SYNPR: variants seen among roughly 807,000 people sequenced by gnomAD.
SYNPR encodes the protein synaptoporin.
Under a neutral mutation model 32.9 loss-of-function variants are expected in SYNPR, and 23 were observed. The ratio of observed to expected loss-of-function variants is 0.70; its 90% CI spans 0.50 to 0.99. The LOEUF (loss-of-function observed/expected upper bound fraction) is 0.99. Among genes scored for constraint, SYNPR ranks in the 50% least tolerant of loss-of-function variants. The pLI, the probability that SYNPR is intolerant of heterozygous loss-of-function variation, is 0.00. For missense variants in SYNPR, 318 were observed against 349.3 expected (o/e 0.91, Z 0.71); for synonymous variants, 146 against 135.9 (o/e 1.07, Z -0.52).
intron 4 of SYNPR, among the ~76,000 whole-genome samples, chr3:63,587,180 T>C (rs979310489): frequency 3.3e-5 from 5 of 152,140 alleles, no homozygotes; most frequent in African/African-American, 1.2e-4. Context: ...TCATTGGCCG[T>C]GACTAAATAA....
intron 2 of SYNPR, among the ~76,000 whole-genome samples, chr3:63,408,263 A>C (rs1043537308): frequency 1.6e-5 from 2 of 123,100 alleles, no homozygotes; most frequent in Admixed American, 8.3e-5. Flanking sequence ...GAAAGAAAGA[A>C]AGAAAGAAAG....
In SYNPR at chr3:63,391,274, T is replaced by C. The variant is rs116840285; in HGVS notation, c.85-89558T>C. On this transcript the variant is annotated intron_variant, in intron 2 of 5. Coordinates refer to ENST00000478300, the MANE Select transcript of SYNPR (RefSeq NM_001130003.2). ...GCCTCACTGTGACATAGGAAGTCCA[T>C]AAAATTTGCACCAATGTGTCTCTGT... Among the ~76,000 whole-genome samples the C allele has an allele frequency of 2.0e-3, 307 of 152,304 alleles. 1 individual carries two copies. The highest frequency in any genetic ancestry group is 7.1e-3 in the African/African-American group (296 of 41,560).
At chr3:63,350,639 G>A (rs960926929) in intron 2 of SYNPR, among the ~76,000 whole-genome samples, 1 of 152,196 alleles carries the variant, frequency 6.6e-6, no homozygotes, top group African/African-American at 2.4e-5. Context: ...ATGCCTGCAG[G>A]GAACAGGCAA....
intron 3 of SYNPR, among the ~76,000 whole-genome samples, chr3:63,530,201 A>G (rs1702085874): frequency 6.6e-6 from 1 of 152,212 alleles, no homozygotes; most frequent in Non-Finnish European, 1.5e-5. Context: ...TTTTGAACAA[A>G]GAACTCCCAT....
At chr3:63,614,798 A>C (rs1700253471) in intron 5 of SYNPR, among the ~76,000 whole-genome samples, 2 of 152,214 alleles carry the variant, frequency 1.3e-5, no homozygotes, top group Non-Finnish European at 2.9e-5. Context: ...TGCCATCTGG[A>C]AATAATCTTA....
At chr3:63,375,625 C>T (rs1178039213) in intron 2 of SYNPR, among the ~76,000 whole-genome samples, 2 of 152,022 alleles carry the variant, frequency 1.3e-5, no homozygotes, top group Non-Finnish European at 2.9e-5. Flanking sequence ...ATATAAATGA[C>T]GAGTTGATGT....
At chr3:63,279,875 AC>A (rs1469992511) in intron 2 of SYNPR, among the ~76,000 whole-genome samples, 1 of 152,252 alleles carries the variant, frequency 6.6e-6, no homozygotes, top group African/African-American at 2.4e-5. Flanking sequence ...TATTGCATAC[AC>A]CAGGACAGCT....
intron 2 of SYNPR, among the ~76,000 whole-genome samples, chr3:63,334,896 AC>A (rs2087269350): frequency 6.6e-6 from 1 of 152,100 alleles, no homozygotes; most frequent in African/African-American, 2.4e-5. Flanking sequence ...TACTTTTAAA[AC>A]CTGATACTGG....
intron 3 of SYNPR, among the ~76,000 whole-genome samples, chr3:63,504,896 C>T (rs1419082598): frequency 6.6e-6 from 1 of 151,478 alleles, no homozygotes; most frequent in Non-Finnish European, 1.5e-5. Flanking sequence ...CTCACGTGGA[C>T]AGAGGGATGT....
intron 3 of SYNPR, among the ~76,000 whole-genome samples, chr3:63,512,972 G>A (rs1203724354): frequency 6.6e-6 from 1 of 151,992 alleles, no homozygotes; most frequent in Non-Finnish European, 1.5e-5. Flanking sequence ...TTAGTCCTAT[G>A]GTTAGCACAA....
intron 2 of SYNPR, among the ~76,000 whole-genome samples, chr3:63,443,786 C>T: frequency 6.6e-6 from 1 of 152,206 alleles, no homozygotes. Flanking sequence ...CCTACCCCTC[C>T]TTCCTTGGAG....
At chr3:63,252,629 G>A (rs532177317) in intron 2 of SYNPR, 1 of 152,218 alleles carries the variant, frequency 6.6e-6, no homozygotes, top group South Asian at 2.1e-4. Flanking sequence ...ACAGAACAAG[G>A]AGGCATGATT....
At chr3:63,582,536 T>C (rs939045333) in intron 4 of SYNPR, among the ~76,000 whole-genome samples, 1 of 152,098 alleles carries the variant, frequency 6.6e-6, no homozygotes, top group Non-Finnish European at 1.5e-5. Context: ...GATATTCAGC[T>C]CCATGGTTTC....
At chr3:63,386,856 G>A (rs1003847546) in intron 2 of SYNPR, among the ~76,000 whole-genome samples, 9 of 152,186 alleles carry the variant, frequency 5.9e-5, no homozygotes, top group Non-Finnish European at 7.3e-5. Context: ...CTCCCTCAGC[G>A]GCTAATGGTG....
chr3:63,247,651 A>G (rs1312060835), intron 1 of SYNPR, among the ~76,000 whole-genome samples: 1 of 152,076 alleles, frequency 6.6e-6, no homozygotes, highest in East Asian at 1.9e-4. Flanking sequence ...TCCAGCTCTA[A>G]CACTTGGATG....
chr3:63,374,668 A>C (rs2087863345), intron 2 of SYNPR, among the ~76,000 whole-genome samples: 1 of 152,216 alleles, frequency 6.6e-6, no homozygotes, highest in African/African-American at 2.4e-5. Flanking sequence ...CAAATCTTTC[A>C]GGGTTTCCAG....
chr3:63,397,416 G>C (rs902202194), intron 2 of SYNPR, among the ~76,000 whole-genome samples: 56 of 152,258 alleles, frequency 3.7e-4, no homozygotes, highest in African/African-American at 1.3e-3. Flanking sequence ...ACAGAACTGA[G>C]TGGTCTAGAG....
intron 2 of SYNPR, among the ~76,000 whole-genome samples, chr3:63,401,507 A>T (rs1016401251): frequency 6.6e-6 from 1 of 152,162 alleles, no homozygotes; most frequent in Non-Finnish European, 1.5e-5. Context: ...GTTCCTAAGG[A>T]CAAAGAATGA....
At chr3:63,531,729 G>A (rs1702115823) in intron 3 of SYNPR, among the ~76,000 whole-genome samples, 1 of 152,154 alleles carries the variant, frequency 6.6e-6, no homozygotes, top group Admixed American at 6.5e-5. Flanking sequence ...CCTCTGCCCA[G>A]TGAGCCCTGG....
Sources: allele counts gnomAD v4.1 joint callset (sites outside exome capture counted in the v4.1 genomes callset), GRCh38; gene constraint gnomAD v4.1.1; transcripts MANE v1.5; gene names NCBI Gene and HGNC (gene_info 2026-07-23, HGNC 2026-07-21).